The following MAP3K5 variants were observed in gnomAD, a reference collection of about 807,000 sequenced individuals.
MAP3K5 encodes mitogen-activated protein kinase kinase kinase 5.
Under a neutral mutation model 158.7 loss-of-function variants are expected in MAP3K5, and 56 were observed. The observed-to-expected ratio is 0.35, with a 90% CI of 0.28 to 0.44. MAP3K5 has a LOEUF of 0.44. MAP3K5 is among the 20% of genes least tolerant of loss of function. The pLI, the probability that MAP3K5 is intolerant of heterozygous loss-of-function variation, is 1.00. For synonymous variants in MAP3K5, 579 were observed against 601.7 expected, an observed-to-expected ratio of 0.96 and a Z score of 0.55; for missense variants, 1,294 against 1,674.8, an observed-to-expected ratio of 0.77 and a Z score of 3.97.
chr6:136,599,525 G>A (rs1775787117), intron 21 of MAP3K5, among the ~76,000 whole-genome samples: 1 of 152,064 alleles, frequency 6.6e-6, no homozygotes, highest in Non-Finnish European at 1.5e-5. Context: ...CTCTTGCCAA[G>A]TGTGTATGGT....
At chr6:136,757,492 CCTTT>C (rs948848731) in intron 1 of MAP3K5, among the ~76,000 whole-genome samples, 3 of 151,970 alleles carry the variant, frequency 2.0e-5, no homozygotes, top group Non-Finnish European at 4.4e-5. Context: ...TAGCAAGATT[CCTTT>C]CTATTACTGT....
chr6:136,711,547 A>C (rs759408104), intron 2 of MAP3K5, among the ~76,000 whole-genome samples: 6 of 151,766 alleles, frequency 4.0e-5, no homozygotes, highest in Non-Finnish European at 7.4e-5. Flanking sequence ...GTGCCTATAC[A>C]CCCAGCTACT....
chr6:136,631,504 G>A (rs1777349606), intron 14 of MAP3K5, among the ~76,000 whole-genome samples: 1 of 150,876 alleles, frequency 6.6e-6, no homozygotes, highest in Admixed American at 6.6e-5. Context: ...TGAAAATAAT[G>A]TCACTTTTTT....
At chr6:136,697,860 T>C (rs143320187) in intron 4 of MAP3K5, among the ~76,000 whole-genome samples, 6 of 152,292 alleles carry the variant, frequency 3.9e-5, no homozygotes, top group Admixed American at 6.5e-5. Flanking sequence ...TTCTCTTGCC[T>C]CAGCCTTGTG....
At position 136,567,788 on chromosome 6, in the gene MAP3K5, G is replaced by T; in HGVS notation, c.3604C>A (p.Pro1202Thr). 1 of 1,614,066 alleles carries T rather than the reference G, an allele frequency of 6.2e-7. No homozygotes were observed. The highest frequency in any genetic ancestry group is 1.1e-5 in the South Asian group (1 of 91,080). Residue 1202 changes from proline to threonine, a missense_variant, in exon 26 of 30, where the codon CCT becomes ACT. Coordinates refer to ENST00000359015, the MANE Select transcript of MAP3K5 (RefSeq NM_005923.4). ...LDVEDDHEEQ[P>T]SNQTVRRPQA... is the part of the protein sequence containing the mutation. Reference sequence around the variant, plus strand: ...GGTCTTCGGACAGTTTGATTTGAAGGCTGTTCCTCATGGTCATCTTCTACA... The same window carrying T: ...GGTCTTCGGACAGTTTGATTTGAAGTCTGTTCCTCATGGTCATCTTCTACA...
At chr6:136,582,239 TGTATGTGTACAC>T (rs765629739) in intron 24 of MAP3K5, among the ~76,000 whole-genome samples, 2 of 151,238 alleles carry the variant, frequency 1.3e-5, no homozygotes, top group Non-Finnish European at 2.9e-5. Flanking sequence ...AGAGCAGGCG[TGTATGTGTACAC>T]GTGTGTGTAT....
chr6:136,699,778 T>C (rs563431625), intron 3 of MAP3K5, among the ~76,000 whole-genome samples: 2 of 152,124 alleles, frequency 1.3e-5, no homozygotes, highest in African/African-American at 2.4e-5. Flanking sequence ...TGCAGAATCA[T>C]AGAAGGATCC....
chr6:136,735,289 A>T (rs1782407815), intron 1 of MAP3K5, among the ~76,000 whole-genome samples: 1 of 152,228 alleles, frequency 6.6e-6, no homozygotes, highest in Non-Finnish European at 1.5e-5. Context: ...CCTTAACAAA[A>T]ACATCACAGG....
chr6:136,753,089 A>G (rs973816751), intron 1 of MAP3K5, among the ~76,000 whole-genome samples: 1 of 152,196 alleles, frequency 6.6e-6, no homozygotes, highest in African/African-American at 2.4e-5. Context: ...ACTTATCCCA[A>G]CAGGAACCCA....
intron 23 of MAP3K5, among the ~76,000 whole-genome samples, chr6:136,591,028 T>C (rs1158668738): frequency 1.3e-5 from 2 of 152,176 alleles, no homozygotes; most frequent in East Asian, 1.9e-4. Context: ...CTCATGATAG[T>C]GAATAAGTCT....
At chr6:136,596,252 T>G (rs1015796799) in intron 21 of MAP3K5, among the ~76,000 whole-genome samples, 3 of 150,580 alleles carry the variant, frequency 2.0e-5, no homozygotes, top group Non-Finnish European at 4.4e-5. Flanking sequence ...GAAAATGGGG[T>G]GTCATGGAAG....
chr6:136,768,689 G>GTA (rs1784057357), intron 1 of MAP3K5, among the ~76,000 whole-genome samples: 1 of 152,132 alleles, frequency 6.6e-6, no homozygotes, highest in Non-Finnish European at 1.5e-5. Flanking sequence ...CAAGGTGGGT[G>GTA]TATCACTTGA....
intron 21 of MAP3K5, among the ~76,000 whole-genome samples, chr6:136,596,179 A>C (rs978197063): frequency 3.3e-5 from 5 of 152,184 alleles, no homozygotes; most frequent in African/African-American, 1.2e-4. Flanking sequence ...GAGGAAAAGA[A>C]GGGGATGAAC....
At position 136,579,814 on chromosome 6, in the gene MAP3K5, A is replaced by T. The variant is rs559937805; in HGVS notation, c.3517+487T>A. On this transcript the variant is annotated intron_variant, in intron 25 of 29. Transcript: ENST00000359015. The stretch of plus-strand genomic sequence containing the variant: ...TGCTCTAAAAGACTAGTCTTTAAAA[A>T]AAAATCAGATTCCTGGGCTTTATTC... 58 of 456,684 alleles carry T rather than the reference A, an allele frequency of 1.3e-4. No homozygotes were observed. The East Asian group carries it at 3.9e-3, about 31-fold the overall frequency. 28.3% of individuals were successfully genotyped at this position (456,684 alleles called of 1,614,324 possible).
intron 23 of MAP3K5, among the ~76,000 whole-genome samples, chr6:136,587,778 TC>T (rs1437367760): frequency 6.6e-6 from 1 of 152,222 alleles, no homozygotes; most frequent in Non-Finnish European, 1.5e-5. Flanking sequence ...TTCATGCTGG[TC>T]CCCTAAGGCA....
At chr6:136,598,070 C>A (rs768618247) in intron 21 of MAP3K5, among the ~76,000 whole-genome samples, 2 of 152,220 alleles carry the variant, frequency 1.3e-5, no homozygotes, top group African/African-American at 2.4e-5. Flanking sequence ...ACCCTCCTTG[C>A]TGATTCCTTA....
intron 8 of MAP3K5, among the ~76,000 whole-genome samples, chr6:136,666,765 T>C (rs1259767795): frequency 6.6e-6 from 1 of 152,206 alleles, no homozygotes; most frequent in Non-Finnish European, 1.5e-5. Context: ...GTTTTAACTA[T>C]GTTTTCATTA....
At chr6:136,584,885 G>A (rs187697251) in intron 23 of MAP3K5, among the ~76,000 whole-genome samples, 73 of 152,208 alleles carry the variant, frequency 4.8e-4, no homozygotes, top group Non-Finnish European at 1.5e-5. Flanking sequence ...ATTGCTATGC[G>A]TGTCTACCTA....
intron 12 of MAP3K5, among the ~76,000 whole-genome samples, chr6:136,642,281 C>T (rs1195781567): frequency 6.6e-6 from 1 of 151,948 alleles, no homozygotes; most frequent in African/African-American, 2.4e-5. Context: ...TCACATTGAC[C>T]CCACAGTTAC....
Sources: gnomAD v4.1 joint callset for allele counts (sites outside exome capture counted in the v4.1 genomes callset) on GRCh38, gnomAD v4.1.1 for gene constraint, MANE v1.5 for transcripts, NCBI Gene and HGNC (gene_info 2026-07-23, HGNC 2026-07-21) for gene names.